The following TBC1D22A variants were observed in gnomAD, a reference collection of about 807,000 sequenced individuals.
TBC1D22A encodes the protein TBC1 domain family member 22A.
Under a neutral mutation model 60.2 loss-of-function variants are expected in TBC1D22A, and 38 were observed. That is an observed-to-expected ratio of 0.63 (90% CI 0.49 to 0.83). TBC1D22A has a LOEUF of 0.83. TBC1D22A is among the 40% of genes least tolerant of loss of function. The pLI is 0.00. For missense variants in TBC1D22A, 628 were observed against 701.0 expected (o/e 0.90, Z 1.18); for synonymous variants, 302 against 281.7 (o/e 1.07, Z -0.72).
At chr22:47,081,207 A>AC (rs1487797413) in intron 11 of TBC1D22A, among the ~76,000 whole-genome samples, 1 of 151,982 alleles carries the variant, frequency 6.6e-6, no homozygotes, top group East Asian at 1.9e-4. Flanking sequence ...TCCAAAATCT[A>AC]CCCATGTGAC....
chr22:46,815,730 C>T (rs1272833334), intron 4 of TBC1D22A, among the ~76,000 whole-genome samples: 1 of 152,222 alleles, frequency 6.6e-6, no homozygotes, highest in Non-Finnish European at 1.5e-5. Flanking sequence ...TGTAGCAGCT[C>T]ATCCATGTTG....
intron 12 of TBC1D22A, among the ~76,000 whole-genome samples, chr22:47,124,827 G>T (rs1167057908): frequency 6.6e-6 from 1 of 152,082 alleles, no homozygotes; most frequent in African/African-American, 2.4e-5. Flanking sequence ...AGCACAGCTG[G>T]TGTGAGGACA....
intron 11 of TBC1D22A, among the ~76,000 whole-genome samples, chr22:47,053,088 T>C (rs2063280478): frequency 6.6e-6 from 1 of 152,098 alleles, no homozygotes; most frequent in Non-Finnish European, 1.5e-5. Flanking sequence ...GCCCCAAGCA[T>C]CGTGCCCACC....
intron 8 of TBC1D22A, chr22:46,915,943 T>TA (rs1447728474): frequency 9.0e-6 from 4 of 444,438 alleles, no homozygotes; most frequent in East Asian, 6.9e-5. Flanking sequence ...CTCTCAGTGT[T>TA]ACGTTCTTTG....
At position 47,009,023 on chromosome 22, in the gene TBC1D22A, C is replaced by T. The variant is rs1270584686; in HGVS notation, c.1201+11314C>T. On this transcript the variant is annotated intron_variant, in intron 10 of 12. Transcript: ENST00000337137. The surrounding 1 kb of genome is among the most constrained non-coding windows in gnomAD (Gnocchi z 5.8). ...AACATTTCTGGCTTATTCTAATCTACTCTTCAGCTCTGTGGAGTAACAGCT... is the reference window on the plus strand; with the variant it reads ...AACATTTCTGGCTTATTCTAATCTATTCTTCAGCTCTGTGGAGTAACAGCT... Among the ~76,000 whole-genome samples, 1 of 152,198 alleles carries T rather than the reference C, an allele frequency of 6.6e-6. No individual in the cohort carries two copies. Among genetic ancestry groups the T allele is most frequent in the Non-Finnish European group, 1.5e-5 (1 of 68,034 alleles).
At chr22:47,120,073 A>G (rs1194196741) in intron 12 of TBC1D22A, among the ~76,000 whole-genome samples, 5 of 152,212 alleles carry the variant, frequency 3.3e-5, no homozygotes, top group Non-Finnish European at 7.3e-5. Context: ...ATGCCAGCCT[A>G]GAGTTAGCCT....
chr22:46,973,099 C>G (rs552095013), intron 8 of TBC1D22A, among the ~76,000 whole-genome samples: 1 of 152,340 alleles, frequency 6.6e-6, no homozygotes, highest in East Asian at 1.9e-4. Flanking sequence ...CAGTCACACA[C>G]TTCAGTGTGA....
intron 4 of TBC1D22A, among the ~76,000 whole-genome samples, chr22:46,842,646 A>G (rs180804514): frequency 3.9e-5 from 6 of 152,390 alleles, no homozygotes; most frequent in Non-Finnish European, 7.3e-5. Context: ...ATGAGTTTTA[A>G]CAAATGCATG....
intron 5 of TBC1D22A, among the ~76,000 whole-genome samples, chr22:46,881,426 C>T (rs117602003): frequency 3.3e-5 from 5 of 152,300 alleles, no homozygotes; most frequent in East Asian, 1.9e-4. Flanking sequence ...ACCTAGGCTA[C>T]GTGGAGACGG....
intron 4 of TBC1D22A, among the ~76,000 whole-genome samples, chr22:46,838,636 A>C (rs920876573): frequency 3.3e-5 from 5 of 152,238 alleles, no homozygotes; most frequent in African/African-American, 4.8e-5. Context: ...AGTATTCCTG[A>C]TGAACATAGA....
intron 10 of TBC1D22A, among the ~76,000 whole-genome samples, chr22:47,006,700 A>T (rs1020106546): frequency 2.4e-4 from 36 of 152,034 alleles, no homozygotes; most frequent in Non-Finnish European, 5.0e-4. Context: ...CAGACCCTCC[A>T]GTCCTCGTTC....
intron 12 of TBC1D22A, among the ~76,000 whole-genome samples, chr22:47,128,777 G>A (rs1036599269): frequency 1.3e-5 from 2 of 152,128 alleles, no homozygotes; most frequent in Admixed American, 6.5e-5. Context: ...CGTGGACTCC[G>A]GGCAAGCACC....
At chr22:47,095,613 A>C (rs2065140914) in intron 11 of TBC1D22A, among the ~76,000 whole-genome samples, 1 of 118,012 alleles carries the variant, frequency 8.5e-6, no homozygotes, top group Non-Finnish European at 1.7e-5. Context: ...GTAAGGCATC[A>C]GGATTTCCCC....
chr22:47,057,585 A>G (rs912598291), intron 11 of TBC1D22A, among the ~76,000 whole-genome samples: 1 of 152,242 alleles, frequency 6.6e-6, no homozygotes, highest in Non-Finnish European at 1.5e-5. Context: ...ACAGTTCCAC[A>G]TGGCTGGGGA....
intron 9 of TBC1D22A, among the ~76,000 whole-genome samples, chr22:46,984,830 G>C (rs964199661): frequency 3.9e-5 from 6 of 152,206 alleles, no homozygotes; most frequent in Admixed American, 2.6e-4. Context: ...CATGACTCGG[G>C]GTGGAGTGGA....
At chr22:46,973,328 G>A (rs558423345) in intron 8 of TBC1D22A, among the ~76,000 whole-genome samples, 2 of 152,308 alleles carry the variant, frequency 1.3e-5, no homozygotes, top group African/African-American at 4.8e-5. Context: ...CTGTTGTCCG[G>A]GGCTCAAGGG....
intron 12 of TBC1D22A, among the ~76,000 whole-genome samples, chr22:47,111,841 T>G (rs557210967): frequency 1.3e-5 from 2 of 152,342 alleles, no homozygotes; most frequent in South Asian, 4.1e-4. Flanking sequence ...TGTGGCTGTG[T>G]GACAAGCTCC....
intron 10 of TBC1D22A, among the ~76,000 whole-genome samples, chr22:47,033,449 C>T (rs982353040): frequency 7.9e-5 from 12 of 152,168 alleles, no homozygotes; most frequent in Admixed American, 5.9e-4. Context: ...TGTACTCATT[C>T]GTTCATCACA....
intron 11 of TBC1D22A, among the ~76,000 whole-genome samples, chr22:47,049,052 C>T (rs942327207): frequency 1.2e-4 from 18 of 152,364 alleles, no homozygotes; most frequent in African/African-American, 4.3e-4. Context: ...TCCAGGTTTC[C>T]AGTCCAATTT....
Sources: gnomAD v4.1 joint callset for allele counts (sites outside exome capture counted in the v4.1 genomes callset) on GRCh38, gnomAD v4.1.1 for gene constraint, Gnocchi (gnomAD v3.1) non-coding constraint, MANE v1.5 for transcripts, NCBI Gene and HGNC (gene_info 2026-07-23, HGNC 2026-07-21) for gene names.